The following NBEAL1 variants were observed in gnomAD, a reference collection of about 807,000 sequenced individuals.
NBEAL1 encodes neurobeachin-like protein 1.
NBEAL1 carries 273 observed loss-of-function variants against 351.3 expected under a neutral mutation model. The observed-to-expected ratio is 0.78, with a 90% CI of 0.70 to 0.86. The LOEUF (loss-of-function observed/expected upper bound fraction) is 0.86, where lower values mean the gene tolerates loss of function less well. NBEAL1 is among the 40% of genes least tolerant of loss of function. The probability of loss-of-function intolerance (pLI) is 0.00; values close to 1 mark genes in which losing one functional copy is unlikely to be tolerated. For missense variants in NBEAL1, 2,961 were observed against 3,201.3 expected, an observed-to-expected ratio of 0.92 and a Z score of 1.81; for synonymous variants, 1,050 against 1,086.4, an observed-to-expected ratio of 0.97 and a Z score of 0.66.
intron 14 of NBEAL1, among the ~76,000 whole-genome samples, chr2:203,109,536 T>C (rs2062514280): frequency 6.6e-6 from 1 of 151,750 alleles, no homozygotes; most frequent in African/African-American, 2.4e-5. Flanking sequence ...TTTTTTTTTC[T>C]TAGACAGAGT....
Position 203,138,120 on chromosome 2 carries a change from T to A in NBEAL1, c.4566-42T>A, listed in dbSNP as rs375664400. On this transcript the variant is annotated intron_variant, in intron 29 of 55. Coordinates refer to ENST00000683969, the MANE Select transcript of NBEAL1 (RefSeq NM_001378026.1). ...TGTTTTTAATGTCCTACTGTTTTTC[T>A]AAGCTCACAATGGTTTTAAGAGGAC... 18 of 1,598,770 alleles carry A rather than the reference T, an allele frequency of 1.1e-5. No homozygotes were observed. In the African/African-American group the frequency reaches 2.2e-4, roughly 19 times the overall value.
chr2:203,205,701 A>G (rs2065533193), intron 51 of NBEAL1, among the ~76,000 whole-genome samples: 1 of 152,224 alleles, frequency 6.6e-6, no homozygotes. Flanking sequence ...CTTAAGTAAG[A>G]TAGATCTTTT....
intron 17 of NBEAL1, among the ~76,000 whole-genome samples, chr2:203,115,371 G>A (rs1345037406): frequency 2.0e-5 from 3 of 152,032 alleles, no homozygotes; most frequent in African/African-American, 7.2e-5. Context: ...TGATCCTCCC[G>A]CCTCAGCCTC....
intron 34 of NBEAL1, 139 bp from the exon 35 acceptor site, chr2:203,151,326 T>G: frequency 3.6e-6 from 2 of 560,606 alleles, no homozygotes; most frequent in Non-Finnish European, 5.6e-6. Flanking sequence ...AATGAGACTC[T>G]GTCTCTGAAA....
intron 53 of NBEAL1, 134 bp from the exon 54 acceptor site, chr2:203,210,824 T>A (rs1294014451): frequency 4.1e-6 from 2 of 485,934 alleles, no homozygotes; most frequent in Non-Finnish European, 7.3e-6. Context: ...ACACACTTGG[T>A]CTTTAAATAT....
intron 24 of NBEAL1, among the ~76,000 whole-genome samples, chr2:203,128,430 C>T (rs2062996942): frequency 1.3e-5 from 2 of 151,638 alleles, no homozygotes; most frequent in African/African-American, 4.8e-5. Flanking sequence ...TATCTACTAA[C>T]TAAATTTTTC....
Position 203,113,105 on chromosome 2 carries a change from A to G in NBEAL1, c.2293A>G (p.Ile765Val). ...QIPDPPFSSPITPHRTSFGGI... is the reference protein window; with the variant it reads ...QIPDPPFSSPVTPHRTSFGGI... Reference sequence around the variant, plus strand: ...CCCAGATCCACCTTTCTCTTCTCCCATTACCCCTCATCGGACATCATTTGG... The same window carrying G: ...CCCAGATCCACCTTTCTCTTCTCCCGTTACCCCTCATCGGACATCATTTGG... The change falls in exon 17 of 56, where the codon ATT (isoleucine) becomes GTT (valine). Residue 765 changes from isoleucine (I) to valine (V), a missense_variant. Ile to Val is a conservative substitution (Grantham distance 29). Transcript: ENST00000683969. The G allele has an allele frequency of 1.3e-6, 2 of 1,552,658 alleles. No individual in the cohort carries two copies. The highest frequency in any genetic ancestry group is 1.2e-5 in the South Asian group (1 of 84,050).
chr2:203,020,634 G>T (rs1417928338), intron 2 of NBEAL1, among the ~76,000 whole-genome samples: 2 of 149,428 alleles, frequency 1.3e-5, no homozygotes, highest in Non-Finnish European at 3.0e-5. Flanking sequence ...TTACGCCATT[G>T]CCTTCCAGCC....
At chr2:203,150,372 G>C (rs921531649) in intron 34 of NBEAL1, among the ~76,000 whole-genome samples, 1 of 151,824 alleles carries the variant, frequency 6.6e-6, no homozygotes, top group Non-Finnish European at 1.5e-5. Context: ...AAATGTCTGC[G>C]CAAGTCCTTT....
intron 2 of NBEAL1, among the ~76,000 whole-genome samples, chr2:203,022,789 G>A (rs971535524): frequency 3.3e-5 from 5 of 151,900 alleles, no homozygotes; most frequent in Non-Finnish European, 2.9e-5. Context: ...TGTCTTAACC[G>A]AGAATGTCTT....
chr2:203,110,674 AAAATAAATAAATAAAT>A (rs67437997), intron 15 of NBEAL1, among the ~76,000 whole-genome samples: 18 of 130,886 alleles, frequency 1.4e-4, no homozygotes, highest in Admixed American at 4.9e-4. Context: ...ATCCTGTCTC[AAAATAAATAAATAAAT>A]AAATAAATAA....
chr2:203,087,942 T>C (rs920967410), intron 10 of NBEAL1, among the ~76,000 whole-genome samples: 4 of 152,222 alleles, frequency 2.6e-5, no homozygotes, highest in African/African-American at 7.2e-5. Context: ...AACAGGATTA[T>C]GCTAGGGTAA....
intron 54 of NBEAL1, 102 bp downstream of exon 54, chr2:203,211,208 C>T (rs2105850500): frequency 1.2e-6 from 1 of 854,244 alleles, no homozygotes; most frequent in Non-Finnish European, 1.6e-6. Context: ...TTTGGTTTAT[C>T]ATTGATTATA....
Position 203,183,360 on chromosome 2 carries a change from A to G in NBEAL1, c.6677A>G (p.Asp2226Gly). 1 of 1,591,450 alleles carries G rather than the reference A, an allele frequency of 6.3e-7. No individual in the cohort carries two copies. The highest frequency in any genetic ancestry group is 2.3e-5 in the East Asian group (1 of 44,286). The change falls in exon 44 of 56, where the codon GAT (aspartate) becomes GGT (glycine). Residue 2226 changes from aspartate (D) to glycine (G), a missense_variant. Physicochemically the swap from Asp to Gly is moderately conservative, Grantham distance 94. Coordinates refer to ENST00000683969, the MANE Select transcript of NBEAL1 (RefSeq NM_001378026.1). ...CCGAAATGGGCTAAATCAGCTGAAG[A>G]TTTCATCTATAAACATAGGAAAGCT... ...ILPKWAKSAE[D>G]FIYKHRKALE...
At chr2:203,081,063 A>C (rs573915337) in intron 8 of NBEAL1, among the ~76,000 whole-genome samples, 2 of 152,336 alleles carry the variant, frequency 1.3e-5, no homozygotes, top group South Asian at 4.1e-4. Flanking sequence ...TTTATGTACC[A>C]AAAATCCTTG....
At chr2:203,076,588 A>ATTTT (rs1647135143) in intron 7 of NBEAL1, among the ~76,000 whole-genome samples, 1 of 97,216 alleles carries the variant, frequency 1.0e-5, no homozygotes, top group African/African-American at 3.4e-5. Flanking sequence ...TGTACTATGT[A>ATTTT]CTTTTTTTTT....
At chr2:203,149,622 C>T (rs1217690998) in intron 34 of NBEAL1, among the ~76,000 whole-genome samples, 1 of 152,100 alleles carries the variant, frequency 6.6e-6, no homozygotes, top group Admixed American at 6.5e-5. Flanking sequence ...AGTTCACTGG[C>T]ACTGAGTATA....
At position 203,107,611 on chromosome 2, in the gene NBEAL1, G is replaced by A; in HGVS notation, c.1372G>A (p.Val458Ile). 1.3e-6 allele frequency: 2 copies of A among 1,551,354 alleles called. No individual in the cohort carries two copies. Among genetic ancestry groups the A allele is most frequent in the South Asian group, 1.2e-5 (1 of 84,010 alleles). ...TATCTTTTATGTTGCTTTTCAGGCT[G>A]TAGAGGGTGACCACACTTCAGTTGG... ...ELLKELMNMA[V>I]EGDHTSVGIL... Residue 458 changes from valine (V) to isoleucine (I), a missense_variant, in exon 14 of 56, where the codon GTA (valine) becomes ATA (isoleucine). Transcript: ENST00000683969.
intron 10 of NBEAL1, among the ~76,000 whole-genome samples, chr2:203,090,911 A>C (rs1449686599): frequency 6.6e-6 from 1 of 151,754 alleles, no homozygotes; most frequent in Non-Finnish European, 1.5e-5. Flanking sequence ...GAAAAGAAGG[A>C]AAGGAAGGAA....
Sources: gnomAD v4.1 joint callset for allele counts (sites outside exome capture counted in the v4.1 genomes callset) on GRCh38, gnomAD v4.1.1 for gene constraint, MANE v1.5 for transcripts, NCBI Gene and HGNC (gene_info 2026-07-23, HGNC 2026-07-21) for gene names.